Variants in KIRREL3 observed in about 807,000 individuals in gnomAD.
The protein encoded by KIRREL3 is kin of IRRE-like protein 3.
Under a neutral mutation model 89.7 loss-of-function variants are expected in KIRREL3, and 36 were observed. The ratio of observed to expected loss-of-function variants is 0.40; its 90% confidence interval spans 0.31 to 0.53. KIRREL3 has a LOEUF of 0.53. Ranked by LOEUF, KIRREL3 falls within the 20% of genes least tolerant of loss-of-function variation. The pLI is 0.49. For missense variants in KIRREL3, 864 were observed against 1,056.6 expected, an observed-to-expected ratio of 0.82 and a Z score of 2.53; for synonymous variants, 445 against 441.4, an observed-to-expected ratio of 1.01 and a Z score of -0.10.
intron 1 of KIRREL3, among the ~76,000 whole-genome samples, chr11:126,714,047 C>T (rs1156813109): frequency 3.9e-5 from 6 of 152,108 alleles, no homozygotes; most frequent in African/African-American, 1.4e-4. Flanking sequence ...TTTTGCATCA[C>T]ATAGGGCCAG....
chr11:126,994,762 C>T lies in KIRREL3; in HGVS notation c.55+5693G>A, dbSNP rs902454795. Among the ~76,000 whole-genome samples, 2 of 152,152 alleles carry T rather than the reference C, an allele frequency of 1.3e-5. No individual in the cohort carries two copies. The highest frequency in any genetic ancestry group is 2.9e-5 in the Non-Finnish European group (2 of 68,030). On this transcript the variant is annotated intron_variant, in intron 1 of 16. Coordinates refer to ENST00000525144, the MANE Select transcript of KIRREL3 (RefSeq NM_032531.4). This position sits in a 1 kb window ranked among gnomAD's most constrained non-coding sequence, Gnocchi z 5.2. ...AGGTTCAATGGGGGAGAAGATCCCCCACCCTCTTGTGACCCTTGGCTCTAT... is the reference window on the plus strand; with the variant it reads ...AGGTTCAATGGGGGAGAAGATCCCCTACCCTCTTGTGACCCTTGGCTCTAT...
In KIRREL3 at chr11:126,811,382, G is replaced by A. The variant is rs1454882813; in HGVS notation, c.55+189073C>T. ...GTTGCTGGCCTGTAAGCTCCAAGAG[G>A]GTAGGGGGCTGTGTCTGAATTTTGG... On this transcript the variant is annotated intron_variant, in intron 1 of 16. Coordinates refer to ENST00000525144, the MANE Select transcript of KIRREL3 (RefSeq NM_032531.4). This position sits in a 1 kb window ranked among gnomAD's most constrained non-coding sequence, Gnocchi z 4.3. 6.6e-6 allele frequency among the ~76,000 whole-genome samples: 1 copy of A among 152,140 alleles called. No individual in the cohort carries two copies. Among genetic ancestry groups the A allele is most frequent in the African/African-American group, 2.4e-5 (1 of 41,444 alleles).
At chr11:126,932,320 T>C (rs1947984242) in intron 1 of KIRREL3, among the ~76,000 whole-genome samples, 1 of 152,190 alleles carries the variant, frequency 6.6e-6, no homozygotes, top group Non-Finnish European at 1.5e-5. Flanking sequence ...CACACACATA[T>C]GAGCATCAAC....
At position 126,948,317 on chromosome 11, in the gene KIRREL3, C is replaced by A. The variant is rs544700773; in HGVS notation, c.55+52138G>T. 1.3e-5 allele frequency among the ~76,000 whole-genome samples: 2 copies of A among 152,102 alleles called. No individual in the cohort carries two copies. The highest frequency in any genetic ancestry group is 3.9e-4 in the East Asian group (2 of 5,186). On this transcript the variant is annotated intron_variant, in intron 1 of 16. Coordinates refer to ENST00000525144, the MANE Select transcript of KIRREL3 (RefSeq NM_032531.4). The surrounding 1 kb of genome is among the most constrained non-coding windows in gnomAD (Gnocchi z 4.5). ...AAAAAAAAAACCTCTTTGGCCTGAACCTGTCCAACTTTATAGAGGGATCTC... is the reference window on the plus strand; with the variant it reads ...AAAAAAAAAACCTCTTTGGCCTGAAACTGTCCAACTTTATAGAGGGATCTC...
intron 1 of KIRREL3, among the ~76,000 whole-genome samples, chr11:126,692,931 C>A (rs954424331): frequency 6.6e-6 from 1 of 152,244 alleles, no homozygotes; most frequent in Non-Finnish European, 1.5e-5. Context: ...TGGATCTGAG[C>A]TGGCCTGGTG....
chr11:126,924,129 G>A lies in KIRREL3; in HGVS notation c.55+76326C>T, dbSNP rs1947591588. On this transcript the variant is annotated intron_variant, in intron 1 of 16. Coordinates refer to ENST00000525144, the MANE Select transcript of KIRREL3 (RefSeq NM_032531.4). The surrounding 1 kb of genome is among the most constrained non-coding windows in gnomAD (Gnocchi z 4.7). ...GCGCCTTGTAGACACTTGATAAGCAGTGGTCTTATGGCTGGTAGCCCAGGC... is the reference window on the plus strand; with the variant it reads ...GCGCCTTGTAGACACTTGATAAGCAATGGTCTTATGGCTGGTAGCCCAGGC... Among the ~76,000 whole-genome samples the A allele has an allele frequency of 6.6e-6, 1 of 152,154 alleles. No individual in the cohort carries two copies. Among genetic ancestry groups the A allele is most frequent in the South Asian group, 2.1e-4 (1 of 4,818 alleles).
intron 2 of KIRREL3, among the ~76,000 whole-genome samples, chr11:126,545,691 A>G (rs1938761423): frequency 6.6e-6 from 1 of 152,072 alleles, no homozygotes; most frequent in African/African-American, 2.4e-5. Context: ...ACAGGCCTTC[A>G]GGGAGAAGGA....
rs753746325 is a variant in KIRREL3, at chr11:126,440,541, T to TG, written c.1260dup (p.Ile421HisfsTer90). On this transcript the variant is annotated frameshift_variant, in exon 11 of 17. Transcript: ENST00000525144. LOFTEE classifies it high-confidence loss of function. Reference sequence around the variant, plus strand: ...TGCTGGGTCTGGGTGCTGGAGATGATGGGGGGTCCTGTTGAGAAACAGCGT... The same window carrying TG: ...TGCTGGGTCTGGGTGCTGGAGATGATGGGGGGGTCCTGTTGAGAAACAGCGT... 1.9e-6 allele frequency: 3 copies of TG among 1,596,796 alleles called. No homozygotes were observed. The highest frequency in any genetic ancestry group is 1.3e-5 in the African/African-American group (1 of 74,698).
chr11:126,680,084 G>T (rs1433088167), intron 1 of KIRREL3, among the ~76,000 whole-genome samples: 1 of 152,170 alleles, frequency 6.6e-6, no homozygotes, highest in Non-Finnish European at 1.5e-5. Flanking sequence ...TTCCAAGTGT[G>T]CAATTGTTCT....
intron 1 of KIRREL3, among the ~76,000 whole-genome samples, chr11:126,804,801 A>G (rs566558878): frequency 6.6e-6 from 1 of 152,328 alleles, no homozygotes; most frequent in South Asian, 2.1e-4. Context: ...GAGAATGTTC[A>G]GATCCCTAAC....
intron 1 of KIRREL3, chr11:126,920,586 C>T (rs954066506): frequency 1.3e-5 from 2 of 152,208 alleles, no homozygotes; most frequent in South Asian, 4.1e-4. Context: ...CCATAGCATC[C>T]TATTTTTCCT....
At chr11:126,816,078 T>A (rs1462029332) in intron 1 of KIRREL3, among the ~76,000 whole-genome samples, 2 of 152,246 alleles carry the variant, frequency 1.3e-5, no homozygotes, top group African/African-American at 4.8e-5. Flanking sequence ...CCATTGCTAG[T>A]TCTAGTGATA....
At chr11:126,964,565 C>A (rs2135192456) in intron 1 of KIRREL3, among the ~76,000 whole-genome samples, 1 of 152,268 alleles carries the variant, frequency 6.6e-6, no homozygotes, top group Admixed American at 6.5e-5. Context: ...CTCTCCTCAG[C>A]ATTTCTGCAC....
rs574350454 is a variant in KIRREL3 at position 126,684,146 on chromosome 11, G to T, written c.56-121234C>A. 1.2e-3 allele frequency among the ~76,000 whole-genome samples: 180 copies of T among 152,320 alleles called. 4 individuals carry two copies. In the South Asian group the frequency reaches 0.028, roughly 23 times the overall value. ...AGGGCTGCCCAGAGCCCTGGAACTG[G>T]ACTCTCCCTGTGCAGGGCTGATGGG... On this transcript the variant is annotated intron_variant, in intron 1 of 16. Transcript: ENST00000525144. The surrounding 1 kb of genome is among the most constrained non-coding windows in gnomAD (Gnocchi z 4.2).
chr11:126,929,743 T>C (rs965890602), intron 1 of KIRREL3, among the ~76,000 whole-genome samples: 17 of 152,216 alleles, frequency 1.1e-4, no homozygotes, highest in Non-Finnish European at 1.8e-4. Context: ...CTGGAGAATC[T>C]ATTCATGGCT....
intron 1 of KIRREL3, among the ~76,000 whole-genome samples, chr11:126,866,653 C>G (rs894412861): frequency 1.3e-5 from 2 of 151,976 alleles, no homozygotes; most frequent in African/African-American, 4.8e-5. Flanking sequence ...CTCACTGCCC[C>G]CCCACACACA....
rs899621520 is a variant in KIRREL3, at chr11:126,999,408, G to C, written c.55+1047C>G. On this transcript the variant is annotated intron_variant, in intron 1 of 16. Transcript: ENST00000525144. The surrounding 1 kb of genome is among the most constrained non-coding windows in gnomAD (Gnocchi z 5.7). ...GACATGCTGTTTGCTTGCAAAGCCA[G>C]CCACCCATGGCAGTGCTTTGCTTTC... 6.6e-6 allele frequency among the ~76,000 whole-genome samples: 1 copy of C among 152,216 alleles called. No individual in the cohort carries two copies.
In KIRREL3 at chr11:126,449,022, C is replaced by A. The variant is rs112980416; in HGVS notation, c.984G>T (p.Thr328=). Residue 328 remains threonine (T), a synonymous_variant, in exon 8 of 17, where the codon ACG becomes ACT. Coordinates refer to ENST00000525144, the MANE Select transcript of KIRREL3 (RefSeq NM_032531.4). The stretch of plus-strand genomic sequence containing the variant: ...CACTGCACTCACAGTAGACGTCAAC[C>A]GTGCGGCTGAGGTTGGTGCTGCCCA... ...NALGSTNLSR[T]VDVYFGPRMT... is the part of the protein sequence containing the mutation. The A allele has an allele frequency of 6.2e-7, 1 of 1,611,196 alleles. No individual in the cohort carries two copies. Among genetic ancestry groups the A allele is most frequent in the Non-Finnish European group, 8.5e-7 (1 of 1,177,724 alleles).
In KIRREL3 at chr11:126,640,285, G is replaced by A. The variant is rs1285799730; in HGVS notation, c.56-77373C>T. 6.6e-6 allele frequency among the ~76,000 whole-genome samples: 1 copy of A among 152,072 alleles called. No homozygotes were observed. Among genetic ancestry groups the A allele is most frequent in the Non-Finnish European group, 1.5e-5 (1 of 67,996 alleles). Reference sequence around the variant, plus strand: ...GGCAGTGGGTATGTGGGGCTCCTGGGGACCCACTTTGGTTTGGGAAAGGAG... The same window carrying A: ...GGCAGTGGGTATGTGGGGCTCCTGGAGACCCACTTTGGTTTGGGAAAGGAG... On this transcript the variant is annotated intron_variant, in intron 1 of 16. Coordinates refer to ENST00000525144, the MANE Select transcript of KIRREL3 (RefSeq NM_032531.4). The surrounding 1 kb of genome is among the most constrained non-coding windows in gnomAD (Gnocchi z 4.9).
Sources: gnomAD v4.1 joint callset for allele counts (sites outside exome capture counted in the v4.1 genomes callset) on GRCh38, gnomAD v4.1.1 for gene constraint, Gnocchi (gnomAD v3.1) non-coding constraint, MANE v1.5 for transcripts, NCBI Gene and HGNC (gene_info 2026-07-23, HGNC 2026-07-21) for gene names.